CRIM1: variants seen among roughly 807,000 people sequenced by gnomAD.
The protein encoded by CRIM1 is cysteine rich transmembrane BMP regulator 1, also known as cysteine-rich motor neuron 1 protein.
CRIM1 carries 32 observed loss-of-function variants against 116.4 expected under a neutral mutation model. That is an observed-to-expected ratio of 0.27 (90% CI 0.21 to 0.37). The LOEUF (loss-of-function observed/expected upper bound fraction) is 0.37, where lower values mean the gene tolerates loss of function less well. Among genes scored for constraint, CRIM1 ranks in the 10% least tolerant of loss-of-function variants. The probability of loss-of-function intolerance (pLI) is 1.00; values close to 1 mark genes in which losing one functional copy is unlikely to be tolerated. For missense variants in CRIM1, 1,331 were observed against 1,354.8 expected (o/e 0.98, Z 0.28); for synonymous variants, 590 against 509.2 (o/e 1.16, Z -2.13).
chr2:36,422,303 TTGAATG>T (rs1674127581), intron 2 of CRIM1, among the ~76,000 whole-genome samples: 1 of 152,126 alleles, frequency 6.6e-6, no homozygotes. Context: ...AGTCTTTAAT[TTGAATG>T]TCTGTTAGTG....
At chr2:36,358,088 G>C (rs1668975272) in intron 1 of CRIM1, among the ~76,000 whole-genome samples, 1 of 151,514 alleles carries the variant, frequency 6.6e-6, no homozygotes, top group African/African-American at 2.4e-5. Flanking sequence ...TTCTCAGAGG[G>C]GAGGGACTTG....
At chr2:36,546,372 A>G (rs915903879) in intron 15 of CRIM1, among the ~76,000 whole-genome samples, 2 of 152,178 alleles carry the variant, frequency 1.3e-5, no homozygotes, top group African/African-American at 4.8e-5. Context: ...CCTATGCGAT[A>G]TAATTCATTA....
intron 7 of CRIM1, among the ~76,000 whole-genome samples, chr2:36,496,192 G>A (rs1680580759): frequency 6.6e-6 from 1 of 152,172 alleles, no homozygotes; most frequent in Non-Finnish European, 1.5e-5. Flanking sequence ...AGGAAAATGA[G>A]ATGTATTTGT....
At position 36,537,411 on chromosome 2, in the gene CRIM1, G is replaced by T. The variant is rs1168146317; in HGVS notation, c.2488G>T (p.Glu830Ter). Residue 830 changes from glutamate to a stop codon, truncating the protein, a stop_gained, in exon 14 of 17, where the codon GAG becomes TAG. Transcript: ENST00000280527. LOFTEE classifies it high-confidence loss of function. The part of the protein sequence containing the change: ...HFSGKAYADE[E>*]RWDLDSCTHC... ...CAGTGGGAAGGCCTATGCCGACGAGGAGCGGTGGGACCTTGACAGCTGCAC... is the reference window on the plus strand; with the variant it reads ...CAGTGGGAAGGCCTATGCCGACGAGTAGCGGTGGGACCTTGACAGCTGCAC... The T allele has an allele frequency of 6.2e-7, 1 of 1,614,080 alleles. No individual in the cohort carries two copies. Among genetic ancestry groups the T allele is most frequent in the Non-Finnish European group, 8.5e-7 (1 of 1,180,048 alleles).
chr2:36,356,344 G>C lies in CRIM1; in HGVS notation c.52G>C (p.Val18Leu). Residue 18 changes from valine to leucine, a missense_variant, in exon 1 of 17, where the codon GTC becomes CTC. Physicochemically the swap from Val to Leu is conservative, Grantham distance 32 (BLOSUM62 1). This residue lies in a region of CRIM1 where 690 missense variants were observed against 676.0 expected (regional missense o/e 1.02). Coordinates refer to ENST00000280527, the MANE Select transcript of CRIM1 (RefSeq NM_016441.3). This position sits in a 1 kb window ranked among gnomAD's most constrained non-coding sequence, Gnocchi z 4.3. ...RGLAGCGHLL[V>L]SLLGLLLLLA... ...GTTGGCCGGCTGCGGGCACCTCCTG[G>C]TCTCGCTGCTGGGGCTGCTGCTGCT... 6.3e-7 allele frequency: 1 copy of C among 1,589,890 alleles called. No individual in the cohort carries two copies. The highest frequency in any genetic ancestry group is 1.3e-5 in the African/African-American group (1 of 74,260).
At chr2:36,483,881 A>G (rs1285534861) in intron 7 of CRIM1, among the ~76,000 whole-genome samples, 1 of 152,212 alleles carries the variant, frequency 6.6e-6, no homozygotes, top group Non-Finnish European at 1.5e-5. Context: ...GCTGATGGCC[A>G]TTGGGACCCC....
chr2:36,521,732 G>T (rs1665409593), intron 12 of CRIM1, among the ~76,000 whole-genome samples: 1 of 152,146 alleles, frequency 6.6e-6, no homozygotes, highest in South Asian at 2.1e-4. Flanking sequence ...AGATGATGGG[G>T]CCACCCTAGT....
chr2:36,484,015 G>A (rs988314074), intron 7 of CRIM1, among the ~76,000 whole-genome samples: 1 of 152,236 alleles, frequency 6.6e-6, no homozygotes, highest in Non-Finnish European at 1.5e-5. Context: ...CTACAGGCCA[G>A]TTGGACCAGT....
intron 1 of CRIM1, among the ~76,000 whole-genome samples, chr2:36,381,798 T>A (rs1292005474): frequency 6.6e-6 from 1 of 152,162 alleles, no homozygotes; most frequent in Non-Finnish European, 1.5e-5. Flanking sequence ...AAAAAAACCT[T>A]CCATGCCATT....
At position 36,368,561 on chromosome 2, in the gene CRIM1, T is replaced by G. The variant is rs543179824; in HGVS notation, c.331+11938T>G. Among the ~76,000 whole-genome samples the G allele has an allele frequency of 1.4e-4, 22 of 152,344 alleles. No individual in the cohort carries two copies. The South Asian group carries it at 4.6e-3, about 32-fold the overall frequency. On this transcript the variant is annotated intron_variant, in intron 1 of 16. Coordinates refer to ENST00000280527, the MANE Select transcript of CRIM1 (RefSeq NM_016441.3). ...CTTCCAGTGTATATTAGCAATCAGC[T>G]TGTTTGCCTTGTGGTTATTACATTT... is the stretch of plus-strand genomic sequence containing the variant.
At chr2:36,520,241 G>A (rs1038388931) in intron 12 of CRIM1, among the ~76,000 whole-genome samples, 3 of 152,218 alleles carry the variant, frequency 2.0e-5, no homozygotes, top group Non-Finnish European at 4.4e-5. Context: ...ATTCCAGGCT[G>A]TTCGTTTCAC....
At chr2:36,397,048 G>T (rs1179589324) in intron 2 of CRIM1, among the ~76,000 whole-genome samples, 1 of 152,154 alleles carries the variant, frequency 6.6e-6, no homozygotes, top group East Asian at 1.9e-4. Context: ...CATAATGGAT[G>T]ATTTCACAAG....
At position 36,499,338 on chromosome 2, in the gene CRIM1, T is replaced by A; in HGVS notation, c.1492T>A (p.Cys498Ser). Residue 498 changes from cysteine to serine, a missense_variant, in exon 8 of 17, where the codon TGC (cysteine) becomes AGC (serine). Transcript: ENST00000280527. ...TCACAATGGTTGTCGGACCTGTCAG[T>A]GCATAAACAGTGAGTAGACAGAAGA... ...RDHNGCRTCQ[C>S]INTEELCSER... 1.2e-6 allele frequency: 2 copies of A among 1,614,060 alleles called. No individual in the cohort carries two copies. The highest frequency in any genetic ancestry group is 8.5e-7 in the Non-Finnish European group (1 of 1,179,978).
intron 2 of CRIM1, 101 bp downstream of exon 2, chr2:36,396,888 CAG>C: frequency 9.9e-7 from 1 of 1,006,946 alleles, no homozygotes; most frequent in Non-Finnish European, 1.5e-6. Flanking sequence ...GACAAGTTTA[CAG>C]AGAGTGGTAG....
chr2:36,441,315 C>G lies in CRIM1; in HGVS notation c.563C>G (p.Pro188Arg), dbSNP rs1244936265. Reference protein sequence around the residue: ...RCEVQFSPRCPEDSVLIEGYA... With the variant: ...RCEVQFSPRCREDSVLIEGYA... Reference sequence around the variant, plus strand: ...GAAGTCCAGTTCTCTCCACGTTGTCCTGAAGATTCTGTTCTGATCGAGGGT... The same window carrying G: ...GAAGTCCAGTTCTCTCCACGTTGTCGTGAAGATTCTGTTCTGATCGAGGGT... Residue 188 changes from proline (P) to arginine (R), a missense_variant, in exon 3 of 17, where the codon CCT becomes CGT. By Grantham distance (103) the Pro-to-Arg change is moderately radical. Transcript: ENST00000280527. The G allele has an allele frequency of 6.2e-7, 1 of 1,614,070 alleles. No individual in the cohort carries two copies. Among genetic ancestry groups the G allele is most frequent in the East Asian group, 2.2e-5 (1 of 44,888 alleles).
At chr2:36,367,644 G>A (rs1669686443) in intron 1 of CRIM1, among the ~76,000 whole-genome samples, 2 of 152,198 alleles carry the variant, frequency 1.3e-5, no homozygotes, top group South Asian at 4.1e-4. Context: ...TGTTTGCAGA[G>A]CCAGGGAAGG....
chr2:36,549,103 T>C lies in CRIM1; in HGVS notation c.*402T>C, dbSNP rs1036215116. ...CAGTTCAGTGGCCCAGAGGTTATTT[T>C]TTTCCTATTGCTCTGAAGACTGCAC... On this transcript the variant is annotated 3_prime_UTR_variant, in exon 17 of 17. Transcript: ENST00000280527. The C allele has an allele frequency of 6.5e-6, 1 of 154,658 alleles. No homozygotes were observed. The highest frequency in any genetic ancestry group is 2.4e-5 in the African/African-American group (1 of 41,462). 9.6% of individuals were successfully genotyped at this position (154,658 alleles called of 1,614,324 possible). A position where few individuals can be genotyped will look rare whatever the true frequency, so the allele number is the denominator to read the frequency against.
At chr2:36,387,699 C>T (rs1275043921) in intron 1 of CRIM1, among the ~76,000 whole-genome samples, 1 of 152,108 alleles carries the variant, frequency 6.6e-6, no homozygotes, top group Non-Finnish European at 1.5e-5. Flanking sequence ...TGAGTAACTT[C>T]CTGGTAAAAC....
chr2:36,417,086 C>T (rs1490845879), intron 2 of CRIM1, among the ~76,000 whole-genome samples: 3 of 152,176 alleles, frequency 2.0e-5, no homozygotes, highest in East Asian at 1.9e-4. Context: ...GGACTCTGTC[C>T]TCTTCAGAAG....
Sources: allele counts gnomAD v4.1 joint callset (sites outside exome capture counted in the v4.1 genomes callset), GRCh38; gene constraint gnomAD v4.1.1; regional missense constraint gnomAD v4.1.1; non-coding constraint Gnocchi (gnomAD v3.1); transcripts MANE v1.5; gene names NCBI Gene and HGNC (gene_info 2026-07-23, HGNC 2026-07-21).